The following OXCT1 variants were observed in gnomAD, a reference collection of about 807,000 sequenced individuals.
The protein encoded by OXCT1 is 3-oxoacid CoA-transferase 1.
In OXCT1, 27 loss-of-function variants were observed where a neutral mutation model predicts 69.6. The ratio of observed to expected loss-of-function variants is 0.39; its 90% confidence interval spans 0.29 to 0.54. The LOEUF is 0.54. Among genes scored for constraint, OXCT1 ranks in the 20% least tolerant of loss-of-function variants. The pLI is 0.72. For missense variants in OXCT1, 437 were observed against 650.2 expected (o/e 0.67, Z 3.57); for synonymous variants, 202 against 217.8 (o/e 0.93, Z 0.64).
At chr5:41,817,216 CTG>C (rs779845425) in intron 7 of OXCT1, among the ~76,000 whole-genome samples, 2 of 151,868 alleles carry the variant, frequency 1.3e-5, no homozygotes, top group Non-Finnish European at 2.9e-5. Flanking sequence ...ATGTATTTCA[CTG>C]AGCCTTCCTA....
At chr5:41,735,097 A>G (rs1251092174) in intron 16 of OXCT1, among the ~76,000 whole-genome samples, 2 of 152,212 alleles carry the variant, frequency 1.3e-5, no homozygotes, top group Non-Finnish European at 2.9e-5. Flanking sequence ...TCTGAATTAT[A>G]TATCTAAAAA....
intron 7 of OXCT1, among the ~76,000 whole-genome samples, chr5:41,809,361 T>A: frequency 6.6e-6 from 1 of 152,076 alleles, no homozygotes; most frequent in East Asian, 1.9e-4. Flanking sequence ...GAGCATGTGA[T>A]AAATCTCACA....
intron 3 of OXCT1, among the ~76,000 whole-genome samples, chr5:41,856,142 G>T (rs1561132948): frequency 6.6e-6 from 1 of 152,320 alleles, no homozygotes; most frequent in South Asian, 2.1e-4. Flanking sequence ...TAGCTGGAAA[G>T]CTTGAAAGAT....
Position 41,731,525 on chromosome 5 carries a change from T to C in OXCT1, c.*204A>G. ...ACCTTCTCAGCCTTAACAAATGAGA[T>C]AATTATAAATGCTCCTTTTGCTTTT... On this transcript the variant is annotated 3_prime_UTR_variant, in exon 17 of 17. Coordinates refer to ENST00000196371, the MANE Select transcript of OXCT1 (RefSeq NM_000436.4). 1 of 917,030 alleles carries C rather than the reference T, an allele frequency of 1.1e-6. No homozygotes were observed. The highest frequency in any genetic ancestry group is 1.6e-6 in the Non-Finnish European group (1 of 628,538). 56.8% of individuals were successfully genotyped at this position (917,030 alleles called of 1,614,324 possible).
chr5:41,731,711 G>C lies in OXCT1; in HGVS notation c.*18C>G, dbSNP rs747894173. 1 of 1,602,326 alleles carries C rather than the reference G, an allele frequency of 6.2e-7. No homozygotes were observed. The highest frequency in any genetic ancestry group is 1.1e-5 in the South Asian group (1 of 88,970). On this transcript the variant is annotated 3_prime_UTR_variant, in exon 17 of 17. Coordinates refer to ENST00000196371, the MANE Select transcript of OXCT1 (RefSeq NM_000436.4). ...GTTTAAAATGAAAAACACGCAGCCT[G>C]GTACAAATATCCATATTTCAATTTG...
At chr5:41,794,806 T>C (rs987802374) in intron 11 of OXCT1, 57 bp from the exon 12 acceptor site, 1 of 1,571,298 alleles carries the variant, frequency 6.4e-7, no homozygotes, top group African/African-American at 1.3e-5. Context: ...AAGAGTATCA[T>C]GGTGAACAGA....
At chr5:41,845,529 C>T (rs2112421757) in intron 5 of OXCT1, among the ~76,000 whole-genome samples, 1 of 151,680 alleles carries the variant, frequency 6.6e-6, no homozygotes, top group South Asian at 2.1e-4. Flanking sequence ...ATAAATAACA[C>T]TAATTTAGAA....
At chr5:41,833,933 G>A (rs758358498) in intron 7 of OXCT1, among the ~76,000 whole-genome samples, 6 of 151,042 alleles carry the variant, frequency 4.0e-5, no homozygotes, top group African/African-American at 7.3e-5. Flanking sequence ...GTGGTGGTGC[G>A]CACCTTTAAT....
At chr5:41,779,128 T>C (rs542071993) in intron 13 of OXCT1, among the ~76,000 whole-genome samples, 14 of 152,258 alleles carry the variant, frequency 9.2e-5, no homozygotes, top group African/African-American at 3.1e-4. Flanking sequence ...GGTAGAAAAA[T>C]GTTGAAGTTT....
At chr5:41,754,593 T>C (rs984822403) in intron 14 of OXCT1, among the ~76,000 whole-genome samples, 2 of 151,994 alleles carry the variant, frequency 1.3e-5, no homozygotes, top group Non-Finnish European at 2.9e-5. Context: ...AGAAAAGAAC[T>C]GGATTTGCTA....
At chr5:41,780,004 A>G (rs1168943827) in intron 13 of OXCT1, among the ~76,000 whole-genome samples, 1 of 152,178 alleles carries the variant, frequency 6.6e-6, no homozygotes, top group Non-Finnish European at 1.5e-5. Context: ...TTACAAATGT[A>G]GAACTAGTGT....
At position 41,762,055 on chromosome 5, in the gene OXCT1, T is replaced by G; in HGVS notation, c.1338+56A>C. The stretch of plus-strand genomic sequence containing the variant: ...TTAGGTGACCTGGTGGTACACTGGG[T>G]TTTGATGTATTGCAAATTTCCAAAA... On this transcript the variant is annotated intron_variant, in intron 14 of 16. Coordinates refer to ENST00000196371, the MANE Select transcript of OXCT1 (RefSeq NM_000436.4). The surrounding 1 kb of genome is among the most constrained non-coding windows in gnomAD (Gnocchi z 4.0). 8.6e-7 allele frequency: 1 copy of G among 1,165,646 alleles called. No homozygotes were observed. The highest frequency in any genetic ancestry group is 1.3e-6 in the Non-Finnish European group (1 of 770,602). 72.2% of individuals were successfully genotyped at this position (1,165,646 alleles called of 1,614,324 possible).
rs774451948 is a variant in OXCT1, at chr5:41,731,367, G to T, written c.*362C>A. 37 of 1,036,942 alleles carry T rather than the reference G, an allele frequency of 3.6e-5. No individual in the cohort carries two copies. Among genetic ancestry groups the T allele is most frequent in the Middle Eastern group, 4.8e-4 (1 of 2,086 alleles). 64.2% of individuals were successfully genotyped at this position (1,036,942 alleles called of 1,614,324 possible). A position where few individuals can be genotyped will look rare whatever the true frequency, so the allele number is the denominator to read the frequency against. On this transcript the variant is annotated 3_prime_UTR_variant, in exon 17 of 17. Transcript: ENST00000196371. ...ATCACATATGTTATCTTTCTTTCAGGACTAATAATTAATATTTAAGAGGAA... is the reference window on the plus strand; with the variant it reads ...ATCACATATGTTATCTTTCTTTCAGTACTAATAATTAATATTTAAGAGGAA...
chr5:41,732,009 C>T (rs990459511), intron 16 of OXCT1, among the ~76,000 whole-genome samples: 7 of 152,118 alleles, frequency 4.6e-5, no homozygotes, highest in Admixed American at 2.6e-4. Flanking sequence ...ATGAACAAGG[C>T]TGGCAACAAG....
In OXCT1 at chr5:41,731,623, TA is replaced by T. The variant is rs1257178276; in HGVS notation, c.*105del. On this transcript the variant is annotated 3_prime_UTR_variant, in exon 17 of 17. Coordinates refer to ENST00000196371, the MANE Select transcript of OXCT1 (RefSeq NM_000436.4). ...AAAGTCTGAAACACAAGAAAACTAATAAAAAACCACCTGTTAAATACACAAT... is the reference window on the plus strand; with the variant it reads ...AAAGTCTGAAACACAAGAAAACTAATAAAAACCACCTGTTAAATACACAAT... 2.7e-6 allele frequency: 4 copies of T among 1,481,486 alleles called. No homozygotes were observed. Among genetic ancestry groups the T allele is most frequent in the Non-Finnish European group, 3.7e-6 (4 of 1,089,256 alleles). 91.8% of individuals were successfully genotyped at this position (1,481,486 alleles called of 1,614,324 possible).
Position 41,785,465 on chromosome 5 carries a change from T to C in OXCT1, c.1248+8538A>G, listed in dbSNP as rs536021196. On this transcript the variant is annotated intron_variant, in intron 13 of 16. Transcript: ENST00000196371. ...GAGTTTTTTTCCTCATTTTTAAAGA[T>C]TACTTAAAAGACAGTTGACTGTTTA... is the stretch of plus-strand genomic sequence containing the variant. Among the ~76,000 whole-genome samples the C allele has an allele frequency of 3.9e-5, 6 of 152,296 alleles. No individual in the cohort carries two copies. In the South Asian group the frequency reaches 1.2e-3, roughly 32 times the overall value.
intron 10 of OXCT1, among the ~76,000 whole-genome samples, 189 bp downstream of exon 10, chr5:41,802,880 C>A (rs989307125): frequency 6.6e-6 from 1 of 152,032 alleles, no homozygotes; most frequent in Non-Finnish European, 1.5e-5. Context: ...TGCAACAACT[C>A]AGATTTCACT....
chr5:41,842,565 T>C, intron 6 of OXCT1, 110 bp downstream of exon 6: 1 of 802,684 alleles, frequency 1.2e-6, no homozygotes, highest in East Asian at 2.4e-5. Context: ...CACATGGGCA[T>C]GTATGATTTT....
Position 41,835,528 on chromosome 5 carries a change from C to G in OXCT1, c.732+4923G>C, listed in dbSNP as rs1248836388. On this transcript the variant is annotated intron_variant, in intron 7 of 16. Coordinates refer to ENST00000196371, the MANE Select transcript of OXCT1 (RefSeq NM_000436.4). Reference sequence around the variant, plus strand: ...CCGATATTCAATTTATATTGTGATTCATAAACCACACAGGCTACAATAAAT... The same window carrying G: ...CCGATATTCAATTTATATTGTGATTGATAAACCACACAGGCTACAATAAAT... 3.9e-5 allele frequency among the ~76,000 whole-genome samples: 6 copies of G among 152,164 alleles called. No homozygotes were observed. In the East Asian group the frequency reaches 1.2e-3, roughly 29 times the overall value.
Sources: allele counts gnomAD v4.1 joint callset (sites outside exome capture counted in the v4.1 genomes callset), GRCh38; gene constraint gnomAD v4.1.1; non-coding constraint Gnocchi (gnomAD v3.1); transcripts MANE v1.5; gene names NCBI Gene and HGNC (gene_info 2026-07-23, HGNC 2026-07-21).